The following ATXN3 variants were observed in gnomAD, a reference collection of about 807,000 sequenced individuals.
The protein encoded by ATXN3 is ataxin 3, also known as ataxin-3.
ATXN3 carries 28 observed loss-of-function variants against 58.2 expected under a neutral mutation model. The ratio of observed to expected loss-of-function variants is 0.48; its 90% confidence interval spans 0.36 to 0.66. The LOEUF (loss-of-function observed/expected upper bound fraction) is 0.66. ATXN3 is among the 30% of genes least tolerant of loss of function. ATXN3 has a pLI of 0.00. For missense variants in ATXN3, 321 were observed against 422.1 expected (o/e 0.76, Z 2.10); for synonymous variants, 113 against 138.5 (o/e 0.82, Z 1.29).
chr14:92,079,672 ACT>A (rs933996902), intron 9 of ATXN3, among the ~76,000 whole-genome samples: 2 of 152,082 alleles, frequency 1.3e-5, no homozygotes, highest in African/African-American at 2.4e-5. Flanking sequence ...TTGAGCTATG[ACT>A]CTGTTTTCTG....
chr14:92,075,172 T>G (rs1348874222), intron 9 of ATXN3, among the ~76,000 whole-genome samples: 2 of 114,398 alleles, frequency 1.7e-5, no homozygotes, highest in Non-Finnish European at 3.7e-5. Flanking sequence ...TTTTTTTTTT[T>G]TTTTTTTTTG....
At chr14:92,077,728 C>A (rs1036431716) in intron 9 of ATXN3, 1 of 151,976 alleles carries the variant, frequency 6.6e-6, no homozygotes, top group Non-Finnish European at 1.5e-5. Flanking sequence ...TCACTGCAAC[C>A]TCCACCTCTG....
At chr14:92,091,458 G>GAAA (rs1566965170) in intron 5 of ATXN3, among the ~76,000 whole-genome samples, 10 of 98,444 alleles carry the variant, frequency 1.0e-4, no homozygotes, top group South Asian at 3.6e-4. Flanking sequence ...CTCAAAAGAA[G>GAAA]GAAAGAAAGA....
chr14:92,054,461 C>T (rs751316450), downstream of ATXN3, among the ~76,000 whole-genome samples: 13 of 152,214 alleles, frequency 8.5e-5, no homozygotes, highest in Non-Finnish European at 1.5e-4. Flanking sequence ...GGTGCTACGC[C>T]CCCACCAGCA....
intron 9 of ATXN3, 139 bp from the exon 10 acceptor site, chr14:92,071,192 G>A (rs2059390739): frequency 7.8e-7 from 1 of 1,284,666 alleles, no homozygotes. Context: ...TGCAAGAGCA[G>A]TTAGTCTGAT....
chr14:92,106,331 G>A (rs943981058), intron 1 of ATXN3, among the ~76,000 whole-genome samples, 198 bp downstream of exon 1: 1 of 151,902 alleles, frequency 6.6e-6, no homozygotes, highest in African/African-American at 2.4e-5. Context: ...CAGGGCGGGG[G>A]CCGCGGGGGA....
chr14:92,077,752 C>G (rs930833880), intron 9 of ATXN3: 2 of 152,132 alleles, frequency 1.3e-5, no homozygotes, highest in African/African-American at 2.4e-5. Flanking sequence ...TCAAACGATT[C>G]TCCTGCCTCA....
At chr14:92,051,937 G>C (rs1246168452), upstream of ATXN3, among the ~76,000 whole-genome samples, 1 of 150,752 alleles carries the variant, frequency 6.6e-6, no homozygotes, top group African/African-American at 2.4e-5. Flanking sequence ...ATGTTGGTCA[G>C]GCTGGTCTCG....
At chr14:92,099,655 G>A (rs369582326) in intron 1 of ATXN3, among the ~76,000 whole-genome samples, 6 of 152,266 alleles carry the variant, frequency 3.9e-5, no homozygotes, top group East Asian at 3.9e-4. Context: ...GATTACTTGA[G>A]CCCAGAAGTT....
intron 6 of ATXN3, among the ~76,000 whole-genome samples, chr14:92,085,037 G>A (rs1461737698): frequency 6.6e-6 from 1 of 152,118 alleles, no homozygotes; most frequent in Non-Finnish European, 1.5e-5. Flanking sequence ...ACGGTTTAAT[G>A]TGTTTTCTGC....
chr14:92,080,940 C>CT (rs2061362157), intron 9 of ATXN3, 25 bp downstream of exon 9: 2 of 1,538,204 alleles, frequency 1.3e-6, no homozygotes. Context: ...AAACATGCTA[C>CT]TTTAACTTGT....
At position 92,048,460 on chromosome 14, in the gene ATXN3, C is replaced by T. The variant is rs143448739; in HGVS notation, n.185-473G>A. On this transcript the variant is annotated intron_variant and non_coding_transcript_variant, in intron 1 of 2. Coordinates refer to the ATXN3 transcript ENST00000564606. Reference sequence around the variant, plus strand: ...AATAAAATGCATGTTGAGAATAAGACGGCCTTCTGGCCATTCTGGGTCTAG... The same window carrying T: ...AATAAAATGCATGTTGAGAATAAGATGGCCTTCTGGCCATTCTGGGTCTAG... 2.4e-4 allele frequency among the ~76,000 whole-genome samples: 36 copies of T among 152,340 alleles called. No homozygotes were observed. In the East Asian group the frequency reaches 4.6e-3, roughly 20 times the overall value.
chr14:92,076,669 G>A (rs1296913655), intron 9 of ATXN3, among the ~76,000 whole-genome samples: 2 of 151,940 alleles, frequency 1.3e-5, no homozygotes, highest in Non-Finnish European at 2.9e-5. Flanking sequence ...GCTGGGCGCG[G>A]TGGTGCACGC....
At chr14:92,087,578 G>T (rs7149775) in intron 6 of ATXN3, among the ~76,000 whole-genome samples, 42,051 of 152,126 alleles carry the variant, frequency 0.28, 6,096 homozygotes, top group East Asian at 0.44. Context: ...AGGCCAAGAT[G>T]TGGTTTAACC....
At chr14:92,066,857 C>T (rs759366918) in intron 10 of ATXN3, among the ~76,000 whole-genome samples, 87 of 151,902 alleles carry the variant, frequency 5.7e-4, no homozygotes, top group Non-Finnish European at 1.9e-4. Context: ...GCAACCGTCG[C>T]CTCCCAGGTT....
At chr14:92,089,949 C>T (rs2063415883) in intron 5 of ATXN3, among the ~76,000 whole-genome samples, 1 of 152,086 alleles carries the variant, frequency 6.6e-6, no homozygotes, top group African/African-American at 2.4e-5. Flanking sequence ...ACTAAATTAG[C>T]TGGGCATGCA....
At chr14:92,074,940 T>A (rs771460028) in intron 9 of ATXN3, among the ~76,000 whole-genome samples, 1 of 152,234 alleles carries the variant, frequency 6.6e-6, no homozygotes, top group Non-Finnish European at 1.5e-5. Context: ...CATGTATGTA[T>A]GGAATACTTT....
At chr14:92,074,609 G>A (rs1253002120) in intron 9 of ATXN3, among the ~76,000 whole-genome samples, 1 of 152,194 alleles carries the variant, frequency 6.6e-6, no homozygotes, top group Admixed American at 6.5e-5. Context: ...AAGTTGGTTT[G>A]TGGTACTGTG....
chr14:92,055,471 T>A (rs2057461979), downstream of ATXN3, among the ~76,000 whole-genome samples: 1 of 152,218 alleles, frequency 6.6e-6, no homozygotes. The surrounding 1 kb of genome is among the most constrained non-coding windows in gnomAD (Gnocchi z 4.5). Context: ...ACTTTTTTCA[T>A]CTTCCCAAAC....
Sources: allele counts gnomAD v4.1 joint callset (sites outside exome capture counted in the v4.1 genomes callset), GRCh38; gene constraint gnomAD v4.1.1; non-coding constraint Gnocchi (gnomAD v3.1); transcripts MANE v1.5; gene names NCBI Gene and HGNC (gene_info 2026-07-23, HGNC 2026-07-21).